The following FAM76B variants were observed in gnomAD, a reference collection of about 807,000 sequenced individuals.
FAM76B encodes the protein protein FAM76B.
FAM76B carries 16 observed loss-of-function variants against 51.8 expected under a neutral mutation model. That is an observed-to-expected ratio of 0.31 (90% CI 0.21 to 0.47). The LOEUF (loss-of-function observed/expected upper bound fraction) is 0.47. Ranked by LOEUF, FAM76B falls within the 20% of genes least tolerant of loss-of-function variation. The probability of loss-of-function intolerance (pLI) is 1.00; values close to 1 mark genes in which losing one functional copy is unlikely to be tolerated. For synonymous variants in FAM76B, 166 were observed against 129.5 expected, an observed-to-expected ratio of 1.28 and a Z score of -1.91; for missense variants, 342 against 392.6, an observed-to-expected ratio of 0.87 and a Z score of 1.09.
At chr11:95,776,159 A>C (rs751275670) in intron 8 of FAM76B, 136 bp from the exon 9 acceptor site, 1 of 423,952 alleles carries the variant, frequency 2.4e-6, no homozygotes, top group Non-Finnish European at 4.1e-6. Context: ...GAATTGTACA[A>C]GCTATCTAAA....
intron 2 of FAM76B, 47 bp from the exon 3 acceptor site, chr11:95,787,725 G>A (rs756160004): frequency 1.2e-5 from 17 of 1,449,966 alleles, no homozygotes; most frequent in Non-Finnish European, 1.5e-5. Flanking sequence ...GCTTTCTAAA[G>A]TAATTAGCAC....
At chr11:95,786,389 T>C (rs1860590851) in intron 3 of FAM76B, 115 bp from the exon 4 acceptor site, 1 of 1,307,384 alleles carries the variant, frequency 7.6e-7, no homozygotes. Flanking sequence ...AAAAAATTTG[T>C]TTTCTGTCAA....
chr11:95,789,565 G>A lies in FAM76B; in HGVS notation c.-87C>T, dbSNP rs551776361. ...CGAGAGCCGCCGCCGCCCGGGCCGC[G>A]GGCTCCTCCTCCTCCCCCTCCCCCT... On this transcript the variant is annotated 5_prime_UTR_variant, in exon 1 of 10. Coordinates refer to ENST00000358780, the MANE Select transcript of FAM76B (RefSeq NM_144664.5). The A allele has an allele frequency of 1.6e-6, 2 of 1,251,512 alleles. No homozygotes were observed. The highest frequency in any genetic ancestry group is 2.3e-5 in the Admixed American group (1 of 43,174). 77.5% of individuals were successfully genotyped at this position (1,251,512 alleles called of 1,614,324 possible).
intron 5 of FAM76B, among the ~76,000 whole-genome samples, chr11:95,780,218 C>T (rs748243989): frequency 5.3e-5 from 8 of 151,864 alleles, no homozygotes; most frequent in African/African-American, 1.2e-4. Context: ...AAGTAGTTTT[C>T]GTGCTTGTGT....
chr11:95,778,281 C>A (rs1944074), intron 8 of FAM76B, among the ~76,000 whole-genome samples: 41,958 of 151,144 alleles, frequency 0.28, 6,997 homozygotes, highest in Non-Finnish European at 0.38. Context: ...TTTTAATATT[C>A]CTCTTCATTT....
intron 5 of FAM76B, among the ~76,000 whole-genome samples, chr11:95,782,072 G>A (rs1301215136): frequency 6.6e-6 from 1 of 152,006 alleles, no homozygotes; most frequent in Non-Finnish European, 1.5e-5. Flanking sequence ...CTGAAAATGG[G>A]CATGCCATAT....
chr11:95,773,266 A>G (rs1421874528), intron 9 of FAM76B, among the ~76,000 whole-genome samples: 1 of 151,068 alleles, frequency 6.6e-6, no homozygotes, highest in Admixed American at 6.6e-5. Context: ...TAATATATTT[A>G]TATCACTAAT....
At chr11:95,789,254 C>T in intron 1 of FAM76B, 138 bp downstream of exon 1, 1 of 1,033,138 alleles carries the variant, frequency 9.7e-7, no homozygotes, top group South Asian at 1.5e-5. Flanking sequence ...AAAGGGGTCC[C>T]CGAGTGGGGA....
chr11:95,780,755 T>G (rs1042960592), intron 5 of FAM76B, among the ~76,000 whole-genome samples: 1 of 152,012 alleles, frequency 6.6e-6, no homozygotes, highest in African/African-American at 2.4e-5. Flanking sequence ...TGCAAATTAC[T>G]TAACATCCCC....
rs1859987155 is a variant in FAM76B, at chr11:95,775,995, T to A, written c.857A>T (p.Tyr286Phe). ...KLTELKADFQ[Y>F]QESNLRTKMN... The stretch of plus-strand genomic sequence containing the variant: ...TTTTGTTCTCAAATTTGACTCTTGG[T>A]ACTGAAAGTCTGCCTTTAGTTCAGT... Residue 286 changes from tyrosine to phenylalanine, a missense_variant, in exon 9 of 10, where the codon TAC becomes TTC. This residue lies in a region of FAM76B where 230 missense variants were observed against 257.4 expected (regional missense o/e 0.89). Coordinates refer to ENST00000358780, the MANE Select transcript of FAM76B (RefSeq NM_144664.5). 6.3e-7 allele frequency: 1 copy of A among 1,589,148 alleles called. No homozygotes were observed. The highest frequency in any genetic ancestry group is 8.6e-7 in the Non-Finnish European group (1 of 1,167,644).
chr11:95,787,319 C>A (rs111360343), intron 3 of FAM76B, among the ~76,000 whole-genome samples: 1 of 152,046 alleles, frequency 6.6e-6, no homozygotes, highest in Non-Finnish European at 1.5e-5. Context: ...CTGCAAACTC[C>A]GCCTCCTGAG....
chr11:95,786,464 T>A, intron 3 of FAM76B, 190 bp from the exon 4 acceptor site: 1 of 527,644 alleles, frequency 1.9e-6, no homozygotes, highest in Non-Finnish European at 3.3e-6. Flanking sequence ...CTAGTATTTA[T>A]TTCTAGTCAT....
intron 8 of FAM76B, among the ~76,000 whole-genome samples, chr11:95,777,884 T>G (rs1319511545): frequency 6.6e-6 from 1 of 151,466 alleles, no homozygotes; most frequent in Non-Finnish European, 1.5e-5. Context: ...GCATAATACA[T>G]TTGATACAGG....
At chr11:95,774,782 T>C (rs1047033132) in intron 9 of FAM76B, among the ~76,000 whole-genome samples, 24 of 151,384 alleles carry the variant, frequency 1.6e-4, no homozygotes, top group African/African-American at 5.8e-4. Context: ...AATCACCACC[T>C]AGTCAACAAA....
rs1338441023 is a variant in FAM76B, at chr11:95,769,262, C to G, written c.*2299G>C. 1 of 152,224 alleles carries G rather than the reference C, an allele frequency of 6.6e-6. No homozygotes were observed. The highest frequency in any genetic ancestry group is 2.4e-5 in the African/African-American group (1 of 41,372). The allele number at this position is 152,224 out of a possible 1,614,324, so 9.4% of individuals were successfully genotyped here. On this transcript the variant is annotated 3_prime_UTR_variant, in exon 10 of 10. Coordinates refer to ENST00000358780, the MANE Select transcript of FAM76B (RefSeq NM_144664.5). The stretch of plus-strand genomic sequence containing the variant: ...TTACAGGTCCACATTTAAAGAATAT[C>G]AGTTTATTATGTCAAAACACTACAG...
At chr11:95,789,356 G>A (rs1226842728) in intron 1 of FAM76B, 36 bp downstream of exon 1, 14 of 1,561,360 alleles carry the variant, frequency 9.0e-6, no homozygotes, top group African/African-American at 1.4e-5. Context: ...TACGGCCGAG[G>A]ACACCCATCC....
At chr11:95,787,239 GT>G (rs796218055) in intron 3 of FAM76B, among the ~76,000 whole-genome samples, 34 of 148,292 alleles carry the variant, frequency 2.3e-4, no homozygotes, top group South Asian at 6.4e-4. Context: ...CATAGCAGTA[GT>G]TTTTTTTTTT....
At position 95,771,556 on chromosome 11, in the gene FAM76B, CTT is replaced by C. The variant is rs1204879388; in HGVS notation, c.*3_*4del. ...GTAAGAAGAAATGCTAAACAAATGA[CTT>C]TCTCAAGGAGATGTTAGTATGCTTC... On this transcript the variant is annotated 3_prime_UTR_variant, in exon 10 of 10. Transcript: ENST00000358780. The C allele has an allele frequency of 1.9e-6, 3 of 1,599,734 alleles. No individual in the cohort carries two copies. The highest frequency in any genetic ancestry group is 2.6e-6 in the Non-Finnish European group (3 of 1,169,914).
chr11:95,788,600 A>T (rs753869977), intron 1 of FAM76B, 37 bp from the exon 2 acceptor site: 35 of 1,519,736 alleles, frequency 2.3e-5, no homozygotes, highest in Non-Finnish European at 3.2e-5. Flanking sequence ...TATCTTTCTG[A>T]AAGTCCCAAA....
Sources: allele counts gnomAD v4.1 joint callset (sites outside exome capture counted in the v4.1 genomes callset), GRCh38; gene constraint gnomAD v4.1.1; regional missense constraint gnomAD v4.1.1; transcripts MANE v1.5; gene names NCBI Gene and HGNC (gene_info 2026-07-23, HGNC 2026-07-21).